Variants in SLC43A2 observed in about 807,000 individuals in gnomAD.
SLC43A2 encodes the protein solute carrier family 43 member 2.
A neutral mutation model predicts 63.2 loss-of-function variants in SLC43A2; 38 were observed. The ratio of observed to expected loss-of-function variants is 0.60; its 90% confidence interval spans 0.46 to 0.79. The LOEUF (loss-of-function observed/expected upper bound fraction) is 0.79, where lower values mean the gene tolerates loss of function less well. Among genes scored for constraint, SLC43A2 ranks in the 30% least tolerant of loss-of-function variants. The pLI is 0.00. For synonymous variants in SLC43A2, 322 were observed against 331.0 expected, an observed-to-expected ratio of 0.97 and a Z score of 0.30; for missense variants, 644 against 756.2, an observed-to-expected ratio of 0.85 and a Z score of 1.74.
intron 5 of SLC43A2, among the ~76,000 whole-genome samples, chr17:1,612,152 C>T (rs563367860): frequency 1.5e-4 from 23 of 152,006 alleles, no homozygotes; most frequent in African/African-American, 5.3e-4. Context: ...TTAGTAGAGA[C>T]GGGGTTTCAC....
Position 1,583,308 on chromosome 17 carries a change from G to C in SLC43A2, c.1246C>G (p.Arg416Gly). Reference protein sequence around the residue: ...QGEKKKKKRDRQIQKITNAMR... With the variant: ...QGEKKKKKRDGQIQKITNAMR... ...GCATTAGTGATCTTCTGGATCTGCC[G>C]GTCCCGCTTCTTCTTTTTCTTCTCG... Residue 416 changes from arginine (R) to glycine (G), a missense_variant, in exon 11 of 14, where the codon CGG (arginine) becomes GGG (glycine). Physicochemically the swap from Arg to Gly is moderately radical, Grantham distance 125. Around this residue, in one of 3 missense-constraint regions of SLC43A2, gnomAD observed 528 missense variants for 623.6 expected, o/e 0.85. Coordinates refer to ENST00000301335, the MANE Select transcript of SLC43A2 (RefSeq NM_152346.3). This position sits in a 1 kb window ranked among gnomAD's most constrained non-coding sequence, Gnocchi z 5.5. 1 of 1,614,128 alleles carries C rather than the reference G, an allele frequency of 6.2e-7. No individual in the cohort carries two copies.
intron 10 of SLC43A2, among the ~76,000 whole-genome samples, chr17:1,584,135 C>T (rs1384636121): frequency 1.3e-5 from 2 of 152,218 alleles, no homozygotes; most frequent in Non-Finnish European, 2.9e-5. Context: ...CCTTGTGATC[C>T]ACCCGCCTTG....
intron 9 of SLC43A2, among the ~76,000 whole-genome samples, chr17:1,588,530 A>G (rs1209356233): frequency 6.5e-5 from 9 of 138,814 alleles, no homozygotes; most frequent in Non-Finnish European, 1.1e-4. Flanking sequence ...GTCTTTATGG[A>G]AAAAAAAAAA....
chr17:1,580,070 G>A (rs993744412), intron 11 of SLC43A2, among the ~76,000 whole-genome samples: 1 of 152,056 alleles, frequency 6.6e-6, no homozygotes, highest in Non-Finnish European at 1.5e-5. Flanking sequence ...GGGATTACAG[G>A]TGCATGCCAC....
intron 11 of SLC43A2, among the ~76,000 whole-genome samples, chr17:1,581,096 C>G (rs1470428444): frequency 1.3e-5 from 2 of 152,108 alleles, no homozygotes; most frequent in African/African-American, 4.8e-5. Context: ...CTTCTGTACA[C>G]AGCCCTGCCA....
At chr17:1,585,310 C>T (rs1378679287) in intron 10 of SLC43A2, 24 of 880,004 alleles carry the variant, frequency 2.7e-5, no homozygotes, top group African/African-American at 3.6e-5. Flanking sequence ...GGCGTGATCT[C>T]GGCTCACTGC....
intron 13 of SLC43A2, among the ~76,000 whole-genome samples, chr17:1,576,139 A>T (rs1045197351): frequency 7.4e-6 from 1 of 134,322 alleles, no homozygotes; most frequent in Non-Finnish European, 1.5e-5. Flanking sequence ...GCTGGAGTGC[A>T]GTGGCGCAAT....
intron 9 of SLC43A2, among the ~76,000 whole-genome samples, chr17:1,589,167 G>A (rs891418542): frequency 5.3e-5 from 8 of 152,226 alleles, no homozygotes; most frequent in Non-Finnish European, 1.2e-4. Flanking sequence ...ATACGAAACA[G>A]TTGGAAACAT....
intron 6 of SLC43A2, among the ~76,000 whole-genome samples, chr17:1,592,283 C>T (rs1194762371): frequency 6.6e-6 from 1 of 152,180 alleles, no homozygotes; most frequent in African/African-American, 2.4e-5. Flanking sequence ...AAAAATTAGC[C>T]GGGCATGGTG....
intron 1 of SLC43A2, chr17:1,628,466 G>T (rs1021523920): frequency 6.6e-6 from 1 of 150,678 alleles, no homozygotes; most frequent in African/African-American, 2.4e-5. Flanking sequence ...CGCAGGAACT[G>T]CCGCGCCATT....
intron 5 of SLC43A2, among the ~76,000 whole-genome samples, chr17:1,601,129 T>C (rs1905977968): frequency 1.3e-5 from 2 of 152,046 alleles, no homozygotes; most frequent in African/African-American, 2.4e-5. Context: ...AAATGCTGCA[T>C]TTATTTCCCT....
intron 2 of SLC43A2, among the ~76,000 whole-genome samples, chr17:1,627,161 G>A (rs548480649): frequency 2.0e-5 from 3 of 152,314 alleles, no homozygotes; most frequent in South Asian, 4.1e-4. Flanking sequence ...TGGGGGAAAT[G>A]TCCTTTGGAG....
At position 1,597,498 on chromosome 17, in the gene SLC43A2, C is replaced by CAAAAA. The variant is rs71148498; in HGVS notation, c.502-4224_502-4220dup. On this transcript the variant is annotated intron_variant, in intron 5 of 13. Transcript: ENST00000301335. Reference sequence around the variant, plus strand: ...CCAGCCTGGGCGACAGAGCAAGACTCAAAAAAAAAAAAGAAATGAGGCCGG... The same window carrying CAAAAA: ...CCAGCCTGGGCGACAGAGCAAGACTCAAAAAAAAAAAAAAAAAGAAATGAGGCCGG... Among the ~76,000 whole-genome samples, 61 of 131,442 alleles carry CAAAAA rather than the reference C, an allele frequency of 4.6e-4. 1 individual carries two copies. Among genetic ancestry groups the CAAAAA allele is most frequent in the Non-Finnish European group, 7.9e-4 (49 of 61,784 alleles). The allele number at this position is 131,442 out of a possible 152,430, so 86.2% of individuals were successfully genotyped here. A position where few individuals can be genotyped will look rare whatever the true frequency, so the allele number is the denominator to read the frequency against.
intron 2 of SLC43A2, among the ~76,000 whole-genome samples, chr17:1,620,122 TGGGAGGCCGAG>T (rs1487965804): frequency 6.6e-6 from 1 of 152,176 alleles, no homozygotes; most frequent in African/African-American, 2.4e-5. Flanking sequence ...CCCAGCACTT[TGGGAGGCCGAG>T]GCAGGCGGAC....
Position 1,583,273 on chromosome 17 carries a change from G to A in SLC43A2, c.1281C>T (p.Ala427=), listed in dbSNP as rs1389826315. ...CGAGCAGCAGGTTGGTGAAGGCGAA[G>A]GCCCGCATGGCATTAGTGATCTTCT... ...QIQKITNAMR[A]FAFTNLLLVG... The change falls in exon 11 of 14, where the codon GCC becomes GCT. Residue 427 remains alanine, a synonymous_variant. Coordinates refer to ENST00000301335, the MANE Select transcript of SLC43A2 (RefSeq NM_152346.3). This position sits in a 1 kb window ranked among gnomAD's most constrained non-coding sequence, Gnocchi z 5.5. The A allele has an allele frequency of 9.9e-6, 16 of 1,614,090 alleles. No individual in the cohort carries two copies. The highest frequency in any genetic ancestry group is 1.4e-5 in the Non-Finnish European group (16 of 1,180,042).
In SLC43A2 at chr17:1,583,332, C is replaced by A; in HGVS notation, c.1222G>T (p.Glu408Ter). 1 of 1,614,106 alleles carries A rather than the reference C, an allele frequency of 6.2e-7. No individual in the cohort carries two copies. Among genetic ancestry groups the A allele is most frequent in the Non-Finnish European group, 8.5e-7 (1 of 1,179,988 alleles). Residue 408 changes from glutamate to a stop codon, truncating the protein, a stop_gained, in exon 11 of 14, where the codon GAG (glutamate) becomes TAG (stop). Coordinates refer to ENST00000301335, the MANE Select transcript of SLC43A2 (RefSeq NM_152346.3). LOFTEE classifies it high-confidence loss of function. The surrounding 1 kb of genome is among the most constrained non-coding windows in gnomAD (Gnocchi z 5.5). ...CGGTCCCGCTTCTTCTTTTTCTTCTCGCCTCTGTGGAGACACAGAACGTGC... is the reference window on the plus strand; with the variant it reads ...CGGTCCCGCTTCTTCTTTTTCTTCTAGCCTCTGTGGAGACACAGAACGTGC... ...EPEEKDANQG[E>*]KKKKKRDRQI...
At chr17:1,624,702 G>A (rs888274700) in intron 2 of SLC43A2, among the ~76,000 whole-genome samples, 17 of 151,930 alleles carry the variant, frequency 1.1e-4, no homozygotes, top group Admixed American at 1.1e-3. Flanking sequence ...ACCAGCCTAG[G>A]CAACATGGCG....
At chr17:1,628,882 C>G (rs1287272743), upstream of SLC43A2, 2 of 152,206 alleles carry the variant, frequency 1.3e-5, no homozygotes, top group Admixed American at 1.3e-4. Flanking sequence ...AAGAAGAAAA[C>G]ACTGCCGCCC....
chr17:1,597,981 A>C (rs1001928048), intron 5 of SLC43A2, among the ~76,000 whole-genome samples: 1 of 152,170 alleles, frequency 6.6e-6, no homozygotes, highest in African/African-American at 2.4e-5. Flanking sequence ...CCAAGCTCAC[A>C]TATTTGGGCT....
Sources: allele counts gnomAD v4.1 joint callset (sites outside exome capture counted in the v4.1 genomes callset), GRCh38; gene constraint gnomAD v4.1.1; regional missense constraint gnomAD v4.1.1; non-coding constraint Gnocchi (gnomAD v3.1); transcripts MANE v1.5; gene names NCBI Gene and HGNC (gene_info 2026-07-23, HGNC 2026-07-21).